The following GSE1 variants were observed in gnomAD, a reference collection of about 807,000 sequenced individuals.
GSE1 encodes genetic suppressor element 1.
In GSE1, 32 loss-of-function variants were observed where a neutral mutation model predicts 112.6. That is an observed-to-expected ratio of 0.28 (90% CI 0.21 to 0.38). The LOEUF is 0.38. GSE1 is among the 10% of genes least tolerant of loss of function. The pLI is 1.00. For synonymous variants in GSE1, 1,115 were observed against 735.6 expected (o/e 1.52, Z -8.35); for missense variants, 2,348 against 1,699.2 (o/e 1.38, Z -6.71).
At chr16:85,665,629 C>G (rs1225328812) in intron 12 of GSE1, among the ~76,000 whole-genome samples, 1 of 152,238 alleles carries the variant, frequency 6.6e-6, no homozygotes, top group African/African-American at 2.4e-5. Context: ...TGTCAGATGT[C>G]AGAGGGAATC....
intron 1 of GSE1, among the ~76,000 whole-genome samples, chr16:85,200,468 A>C (rs1252232153): frequency 2.0e-5 from 3 of 151,946 alleles, no homozygotes; most frequent in Non-Finnish European, 4.4e-5. Flanking sequence ...CCCCCACGTC[A>C]CACAGCTCTT....
intron 1 of GSE1, among the ~76,000 whole-genome samples, chr16:85,309,660 C>G (rs2045779170): frequency 6.6e-6 from 1 of 152,250 alleles, no homozygotes; most frequent in Admixed American, 6.5e-5. Context: ...CTGTCCACCT[C>G]TCCTGCTCTG....
At chr16:85,191,520 C>A (rs1016925021) in intron 1 of GSE1, among the ~76,000 whole-genome samples, 2 of 152,196 alleles carry the variant, frequency 1.3e-5, no homozygotes, top group Non-Finnish European at 2.9e-5. Context: ...AATGAAGGAG[C>A]AGTGCTCCCT....
chr16:85,291,900 G>A (rs950027611), intron 1 of GSE1, among the ~76,000 whole-genome samples: 1 of 152,164 alleles, frequency 6.6e-6, no homozygotes, highest in Non-Finnish European at 1.5e-5. Context: ...TATTAGAGCC[G>A]GCTTTGGGTT....
intron 1 of GSE1, among the ~76,000 whole-genome samples, chr16:85,557,217 C>T (rs1340257817): frequency 6.6e-6 from 1 of 152,242 alleles, no homozygotes; most frequent in African/African-American, 2.4e-5. Context: ...GTCACCCCCA[C>T]TCCTGTGCCC....
chr16:85,645,712 C>T (rs1189261053), intron 2 of GSE1, among the ~76,000 whole-genome samples: 4 of 152,128 alleles, frequency 2.6e-5, no homozygotes. Flanking sequence ...CTGCTTCTGC[C>T]CCCGGAACCA....
chr16:85,650,288 G>A (rs1413803633), intron 3 of GSE1, among the ~76,000 whole-genome samples: 2 of 151,754 alleles, frequency 1.3e-5, no homozygotes, highest in African/African-American at 4.8e-5. Flanking sequence ...CGCCCCCCAG[G>A]GCCAGCCTTG....
At chr16:85,651,516 G>T (rs986831057) in intron 3 of GSE1, among the ~76,000 whole-genome samples, 10 of 152,218 alleles carry the variant, frequency 6.6e-5, no homozygotes, top group African/African-American at 2.4e-4. Flanking sequence ...CAAGGGCCGT[G>T]TCTGGGCTGG....
chr16:85,263,736 C>T (rs1171582193), intron 1 of GSE1, among the ~76,000 whole-genome samples: 1 of 152,118 alleles, frequency 6.6e-6, no homozygotes, highest in African/African-American at 2.4e-5. Flanking sequence ...CCACACCCAG[C>T]TAATTTTTGT....
intron 8 of GSE1, among the ~76,000 whole-genome samples, chr16:85,660,553 C>T (rs1375907729): frequency 2.6e-5 from 4 of 152,128 alleles, no homozygotes; most frequent in African/African-American, 9.6e-5. Flanking sequence ...GCTGGAGAAG[C>T]GCTTGAACCT....
intron 15 of GSE1, 139 bp downstream of exon 15, chr16:85,671,237 G>A (rs976535044): frequency 3.8e-6 from 2 of 530,926 alleles, no homozygotes; most frequent in South Asian, 2.2e-5. Context: ...TCAGGAGATC[G>A]AGACCATCCC....
intron 2 of GSE1, among the ~76,000 whole-genome samples, chr16:85,455,491 A>G (rs1018120428): frequency 3.3e-5 from 5 of 152,186 alleles, no homozygotes; most frequent in African/African-American, 9.7e-5. Context: ...AGCAGACCCC[A>G]TGGTCCCCTC....
intron 1 of GSE1, among the ~76,000 whole-genome samples, chr16:85,299,266 G>T (rs992416818): frequency 2.6e-5 from 4 of 152,254 alleles, no homozygotes; most frequent in African/African-American, 9.6e-5. Context: ...AATGCGCCAG[G>T]TGCTGGATCT....
At chr16:85,645,665 G>A (rs539571050) in intron 2 of GSE1, among the ~76,000 whole-genome samples, 22 of 152,330 alleles carry the variant, frequency 1.4e-4, no homozygotes, top group Non-Finnish European at 2.9e-4. Flanking sequence ...GTGAATGTGC[G>A]CGTGCCCACT....
intron 1 of GSE1, among the ~76,000 whole-genome samples, chr16:85,291,732 G>T (rs2045219191): frequency 6.6e-6 from 1 of 152,210 alleles, no homozygotes; most frequent in South Asian, 2.1e-4. Flanking sequence ...AGGGGTGAAG[G>T]TCAGGCTGGG....
At chr16:85,359,567 G>A (rs903763897) in intron 2 of GSE1, 2 of 362,246 alleles carry the variant, frequency 5.5e-6, no homozygotes, top group Admixed American at 3.4e-5. Context: ...AACCTCGTGA[G>A]CTGATGCTTG....
Position 85,668,384 on chromosome 16 carries a change from G to A in GSE1, c.3375G>A (p.Gly1125=). The A allele has an allele frequency of 6.2e-7, 1 of 1,612,408 alleles. No individual in the cohort carries two copies. The highest frequency in any genetic ancestry group is 8.5e-7 in the Non-Finnish European group (1 of 1,179,808). ...EEEVPKRKWQ[G]IEAVFEAYQE... The stretch of plus-strand genomic sequence containing the variant: ...AAGTCCCCAAGCGCAAGTGGCAAGG[G>A]ATCGAGGCCGTTTTTGAAGCTTACC... Residue 1125 remains glycine, a synonymous_variant, in exon 14 of 16, where the codon GGG becomes GGA. Transcript: ENST00000253458.
At chr16:85,388,560 G>A (rs539797338) in intron 2 of GSE1, among the ~76,000 whole-genome samples, 15 of 135,330 alleles carry the variant, frequency 1.1e-4, no homozygotes, top group Non-Finnish European at 1.6e-4. Context: ...AGATGGATGA[G>A]TGGGTAGATG....
intron 1 of GSE1, among the ~76,000 whole-genome samples, chr16:85,326,734 G>T (rs2046235135): frequency 6.6e-6 from 1 of 152,196 alleles, no homozygotes; most frequent in Non-Finnish European, 1.5e-5. Context: ...GACTAATATG[G>T]CCTGGTGCTT....
Sources: allele counts gnomAD v4.1 joint callset (sites outside exome capture counted in the v4.1 genomes callset), GRCh38; gene constraint gnomAD v4.1.1; transcripts MANE v1.5; gene names NCBI Gene and HGNC (gene_info 2026-07-23, HGNC 2026-07-21).